ADAMTS12: variants seen among roughly 807,000 people sequenced by gnomAD.
ADAMTS12 encodes A disintegrin and metalloproteinase with thrombospondin motifs 12.
ADAMTS12 carries 118 observed loss-of-function variants against 167.8 expected under a neutral mutation model. The observed-to-expected ratio is 0.70, with a 90% confidence interval of 0.61 to 0.82. The LOEUF is 0.82. Ranked by LOEUF, ADAMTS12 falls within the 40% of genes least tolerant of loss-of-function variation. ADAMTS12 has a pLI of 0.00. For missense variants in ADAMTS12, 1,916 were observed against 1,998.8 expected, an observed-to-expected ratio of 0.96 and a Z score of 0.79; for synonymous variants, 704 against 716.9, an observed-to-expected ratio of 0.98 and a Z score of 0.29.
chr5:33,594,523 C>G (rs1747817787), intron 17 of ADAMTS12, among the ~76,000 whole-genome samples: 1 of 152,190 alleles, frequency 6.6e-6, no homozygotes, highest in Non-Finnish European at 1.5e-5. Context: ...AGGCAATGGA[C>G]TAGCTCTAAG....
At chr5:33,635,808 T>C (rs925953094) in intron 12 of ADAMTS12, among the ~76,000 whole-genome samples, 2 of 152,198 alleles carry the variant, frequency 1.3e-5, no homozygotes, top group East Asian at 3.9e-4. Flanking sequence ...GGGAAAGTCA[T>C]CAGTGTGCTG....
At chr5:33,879,803 A>C (rs1750364817) in intron 2 of ADAMTS12, among the ~76,000 whole-genome samples, 1 of 152,236 alleles carries the variant, frequency 6.6e-6, no homozygotes, top group African/African-American at 2.4e-5. Context: ...AGCAAAGCCA[A>C]ACTCCAGAGA....
intron 20 of ADAMTS12, among the ~76,000 whole-genome samples, chr5:33,554,206 G>C (rs190903405): frequency 1.8e-4 from 28 of 152,324 alleles, no homozygotes; most frequent in African/African-American, 6.5e-4. Flanking sequence ...GCAAAATAGT[G>C]TGGGGGGACA....
At chr5:33,886,956 T>C (rs74890026) in intron 1 of ADAMTS12, among the ~76,000 whole-genome samples, 5,705 of 152,022 alleles carry the variant, frequency 0.038, 284 homozygotes, top group African/African-American at 0.11. Context: ...AACATTAGCA[T>C]TGTTGGTTTT....
At chr5:33,597,218 A>C (rs4516853) in intron 16 of ADAMTS12, among the ~76,000 whole-genome samples, 71,854 of 151,944 alleles carry the variant, frequency 0.47, 17,793 homozygotes, top group Middle Eastern at 0.6. Context: ...GAGTGGCCAG[A>C]CTGTCATGGA....
At chr5:33,534,694 C>T (rs1744284270) in intron 23 of ADAMTS12, 139 bp downstream of exon 23, 2 of 1,140,600 alleles carry the variant, frequency 1.8e-6, no homozygotes, top group East Asian at 2.6e-5. Context: ...ATAGTTTGTT[C>T]CCAGGGTTAC....
chr5:33,863,297 T>C (rs894313672), intron 2 of ADAMTS12, among the ~76,000 whole-genome samples: 1 of 152,222 alleles, frequency 6.6e-6, no homozygotes, highest in African/African-American at 2.4e-5. Flanking sequence ...GAAAACCCCA[T>C]TGTCTCTGTC....
At chr5:33,570,068 C>A (rs1352658667) in intron 19 of ADAMTS12, among the ~76,000 whole-genome samples, 1 of 152,186 alleles carries the variant, frequency 6.6e-6, no homozygotes, top group Non-Finnish European at 1.5e-5. Context: ...AAGGAACAAA[C>A]AAAGCTTCCA....
chr5:33,703,203 C>A (rs1190507266), intron 3 of ADAMTS12, among the ~76,000 whole-genome samples: 1 of 152,174 alleles, frequency 6.6e-6, no homozygotes, highest in Non-Finnish European at 1.5e-5. Context: ...GCTGACTACC[C>A]CTGGAGGGTG....
At chr5:33,590,288 C>T (rs933846548) in intron 17 of ADAMTS12, among the ~76,000 whole-genome samples, 1 of 152,208 alleles carries the variant, frequency 6.6e-6, no homozygotes, top group African/African-American at 2.4e-5. Context: ...TCTCTACAGT[C>T]CCTTAGGGGA....
At chr5:33,681,394 G>A (rs888844240) in intron 5 of ADAMTS12, among the ~76,000 whole-genome samples, 1 of 152,184 alleles carries the variant, frequency 6.6e-6, no homozygotes, top group East Asian at 1.9e-4. Context: ...TATCCTAGCT[G>A]CTGGTTAAGC....
intron 2 of ADAMTS12, among the ~76,000 whole-genome samples, chr5:33,808,880 T>C (rs1192263026): frequency 1.3e-5 from 2 of 152,224 alleles, no homozygotes; most frequent in Non-Finnish European, 2.9e-5. Context: ...GTGACTACTT[T>C]CAGGGTGCCC....
At chr5:33,857,850 C>T (rs949421095) in intron 2 of ADAMTS12, among the ~76,000 whole-genome samples, 2 of 152,080 alleles carry the variant, frequency 1.3e-5, no homozygotes, top group African/African-American at 4.8e-5. Flanking sequence ...AACAGAGATG[C>T]AAAATATGTG....
intron 3 of ADAMTS12, among the ~76,000 whole-genome samples, chr5:33,708,289 A>T (rs951767555): frequency 2.6e-5 from 4 of 152,210 alleles, no homozygotes. Context: ...TTAAAAAGTC[A>T]GGAAACAACA....
chr5:33,725,195 T>C (rs1020869400), intron 3 of ADAMTS12, among the ~76,000 whole-genome samples: 4 of 152,212 alleles, frequency 2.6e-5, no homozygotes, highest in African/African-American at 9.6e-5. Context: ...GAAACATTGA[T>C]TTCTTTCAAA....
chr5:33,625,706 G>A (rs1037795807), intron 13 of ADAMTS12, among the ~76,000 whole-genome samples: 2 of 152,178 alleles, frequency 1.3e-5, no homozygotes, highest in Non-Finnish European at 2.9e-5. Context: ...AGAGACAAGG[G>A]TTGGGGGAAG....
At chr5:33,645,214 A>G (rs1345379400) in intron 9 of ADAMTS12, among the ~76,000 whole-genome samples, 2 of 151,740 alleles carry the variant, frequency 1.3e-5, no homozygotes, top group African/African-American at 2.4e-5. Flanking sequence ...TATAAGGGGT[A>G]CAGATTTAAA....
rs1253013250 is a variant in ADAMTS12 at position 33,845,471 on chromosome 5, TTAA to T, written c.489+35645_489+35647del. Among the ~76,000 whole-genome samples the T allele has an allele frequency of 3.9e-5, 6 of 152,320 alleles. No homozygotes were observed. In the South Asian group the frequency reaches 1.0e-3, roughly 26 times the overall value. ...TCATCATAAATACTGCCGTTATGTA[TTAA>T]TAATAACAGATATAATAGTAATAAC... On this transcript the variant is annotated intron_variant, in intron 2 of 23. Transcript: ENST00000504830.
At chr5:33,567,825 T>A (rs1402453795) in intron 19 of ADAMTS12, among the ~76,000 whole-genome samples, 1 of 152,178 alleles carries the variant, frequency 6.6e-6, no homozygotes, top group African/African-American at 2.4e-5. Flanking sequence ...ATATGTAATA[T>A]GACCAAAGAA....
Sources: gnomAD v4.1 joint callset for allele counts (sites outside exome capture counted in the v4.1 genomes callset) on GRCh38, gnomAD v4.1.1 for gene constraint, MANE v1.5 for transcripts, NCBI Gene and HGNC (gene_info 2026-07-23, HGNC 2026-07-21) for gene names.